The following ACOT8 variants were observed in gnomAD, a reference collection of about 807,000 sequenced individuals.
The protein encoded by ACOT8 is acyl-CoA thioesterase 8, also known as acyl-coenzyme A thioesterase 8.
Under a neutral mutation model 38.4 loss-of-function variants are expected in ACOT8, and 31 were observed. The observed-to-expected ratio is 0.81, with a 90% CI of 0.61 to 1.09. The LOEUF (loss-of-function observed/expected upper bound fraction) is 1.09, where lower values mean the gene tolerates loss of function less well. ACOT8 is among the 50% of genes least tolerant of loss of function. ACOT8 has a pLI of 0.00. For missense variants in ACOT8, 373 were observed against 421.8 expected (o/e 0.88, Z 1.01); for synonymous variants, 158 against 170.3 (o/e 0.93, Z 0.56).
chr20:45,843,932 C>T, intron 4 of ACOT8: 2 of 1,032,270 alleles, frequency 1.9e-6, no homozygotes, highest in East Asian at 5.2e-5. Context: ...TCAGTCTTCA[C>T]CACCCAAGTC....
At chr20:45,842,328 T>A in intron 5 of ACOT8, 1 of 1,393,492 alleles carries the variant, frequency 7.2e-7, no homozygotes. Flanking sequence ...CCTCGCTTCC[T>A]CAAAAAGATC....
rs1984231726 is a variant in ACOT8 at position 45,842,151 on chromosome 20, C to A, written c.842-195G>T. On this transcript the variant is annotated intron_variant, in intron 5 of 5. Transcript: ENST00000217455. The stretch of plus-strand genomic sequence containing the variant: ...TCACCATGCCCAACCTCCAAGTGGA[C>A]TTCTTGCAAAGGGTCTGGCCCAGGG... 4 of 1,525,556 alleles carry A rather than the reference C, an allele frequency of 2.6e-6. No homozygotes were observed. The South Asian group carries it at 3.6e-5, about 14-fold the overall frequency. The allele number at this position is 1,525,556 out of a possible 1,614,324, so 94.5% of individuals were successfully genotyped here. A position where few individuals can be genotyped will look rare whatever the true frequency, so the allele number is the denominator to read the frequency against.
intron 3 of ACOT8, among the ~76,000 whole-genome samples, 163 bp from the exon 4 acceptor site, chr20:45,844,583 T>G (rs1476644612): frequency 4.6e-5 from 7 of 152,198 alleles, no homozygotes; most frequent in Non-Finnish European, 4.4e-5. Context: ...GAATCCCTTC[T>G]TGGCCACTTA....
At chr20:45,853,060 C>T (rs1347309646) in intron 2 of ACOT8, among the ~76,000 whole-genome samples, 2 of 152,238 alleles carry the variant, frequency 1.3e-5, no homozygotes, top group Non-Finnish European at 2.9e-5. Context: ...TGAGCCACCA[C>T]GCCCGGCCAA....
In ACOT8 at chr20:45,842,823, T is replaced by G. The variant is rs986493670; in HGVS notation, c.841+704A>C. On this transcript the variant is annotated intron_variant, in intron 5 of 5. Transcript: ENST00000217455. ...TCTTGGATTGTGATGCTATTGGTAC[T>G]TGAGAATACCCCTTATCTGAGTATA... 3.0e-6 allele frequency: 3 copies of G among 992,176 alleles called. No homozygotes were observed. In the African/African-American group the frequency reaches 5.2e-5, roughly 17 times the overall value. The allele number at this position is 992,176 out of a possible 1,614,324, so 61.5% of individuals were successfully genotyped here.
chr20:45,853,065 G>A (rs1045404617), intron 2 of ACOT8, among the ~76,000 whole-genome samples: 14 of 152,182 alleles, frequency 9.2e-5, no homozygotes, highest in African/African-American at 3.4e-4. Flanking sequence ...CACCACGCCC[G>A]GCCAAATAAT....
Position 45,857,228 on chromosome 20 carries a change from T to A in ACOT8, c.88A>T (p.Thr30Ser), listed in dbSNP as rs143465735. ...TCCAGCGGCTCGAGGTTGAGCACGG[T>A]CGTGACCAAGACGCTACGGAGGTCC... Reference protein sequence around the residue: ...PGDLRSVLVTTVLNLEPLDED... With the variant: ...PGDLRSVLVTSVLNLEPLDED... The change falls in exon 1 of 6, where the codon ACC becomes TCC. Residue 30 changes from threonine to serine, a missense_variant. By Grantham distance (58) the Thr-to-Ser change is moderately conservative (BLOSUM62 1). Transcript: ENST00000217455. The A allele has an allele frequency of 6.5e-4, 1,049 of 1,613,646 alleles. No homozygotes were observed. The highest frequency in any genetic ancestry group is 8.4e-4 in the Non-Finnish European group (986 of 1,179,974).
Position 45,841,964 on chromosome 20 carries a change from T to C in ACOT8, c.842-8A>G, listed in dbSNP as rs1305400533. On this transcript the variant is annotated splice_region_variant and splice_polypyrimidine_tract_variant and intron_variant, in intron 5 of 5. Transcript: ENST00000217455. Reference sequence around the variant, plus strand: ...CCAGCCCCCGAGAGCCACCTGTGGGTGAGGTGAAGGGTGATGATGGCCTGC... The same window carrying C: ...CCAGCCCCCGAGAGCCACCTGTGGGCGAGGTGAAGGGTGATGATGGCCTGC... 1 of 1,611,992 alleles carries C rather than the reference T, an allele frequency of 6.2e-7. No homozygotes were observed. Among genetic ancestry groups the C allele is most frequent in the Non-Finnish European group, 8.5e-7 (1 of 1,179,758 alleles).
intron 2 of ACOT8, among the ~76,000 whole-genome samples, chr20:45,851,204 G>A (rs1486780724): frequency 6.6e-6 from 1 of 152,136 alleles, no homozygotes; most frequent in Non-Finnish European, 1.5e-5. Flanking sequence ...TCTGTTATCA[G>A]GCACTGCCAC....
chr20:45,853,822 C>G, intron 2 of ACOT8: 1 of 901,012 alleles, frequency 1.1e-6, no homozygotes, highest in South Asian at 1.4e-5. Flanking sequence ...GTAAGAGACA[C>G]GGGACAGTAT....
chr20:45,853,835 A>G, intron 2 of ACOT8: 2 of 1,042,110 alleles, frequency 1.9e-6, no homozygotes, highest in African/African-American at 1.7e-5. Context: ...GACAGTATGA[A>G]AAAGTGTATT....
chr20:45,842,321 C>G, intron 5 of ACOT8: 1 of 1,400,830 alleles, frequency 7.1e-7, no homozygotes, highest in South Asian at 1.6e-5. Flanking sequence ...CACCTCTCCT[C>G]GCTTCCTCAA....
intron 2 of ACOT8, chr20:45,853,816 G>A: frequency 1.2e-6 from 1 of 834,658 alleles, no homozygotes; most frequent in South Asian, 1.4e-5. Flanking sequence ...TGAGGAGTAA[G>A]AGACACGGGA....
At chr20:45,844,977 G>T (rs2145761374) in intron 3 of ACOT8, among the ~76,000 whole-genome samples, 1 of 152,254 alleles carries the variant, frequency 6.6e-6, no homozygotes, top group East Asian at 1.9e-4. Flanking sequence ...GGAGTACAGT[G>T]GCGCAATCAG....
chr20:45,854,030 T>G, intron 2 of ACOT8: 1 of 1,244,940 alleles, frequency 8.0e-7, no homozygotes, highest in Non-Finnish European at 1.1e-6. Flanking sequence ...GTTTTTTTTG[T>G]TTGTTTTTTA....
At position 45,843,670 on chromosome 20, in the gene ACOT8, T is replaced by C. The variant is rs200396914; in HGVS notation, c.698A>G (p.Tyr233Cys). The C allele has an allele frequency of 1.4e-5, 23 of 1,612,396 alleles. No homozygotes were observed. In the African/African-American group the frequency reaches 1.7e-4, roughly 12 times the overall value. The change falls in exon 5 of 6, where the codon TAT becomes TGT. Residue 233 changes from tyrosine to cysteine, a missense_variant. Transcript: ENST00000217455. ...CAGCAGTGCAGTGCCCAAGAAGGCA[T>C]AGTCGGAGATATAGGCGGCCACGCA... Reference protein sequence around the residue: ...HCCVAAYISDYAFLGTALLPH... With the variant: ...HCCVAAYISDCAFLGTALLPH...
chr20:45,853,801 A>G, intron 2 of ACOT8: 1 of 686,882 alleles, frequency 1.5e-6, no homozygotes, highest in Non-Finnish European at 2.2e-6. Flanking sequence ...AATACTCCTC[A>G]GGGATGAGGA....
intron 2 of ACOT8, among the ~76,000 whole-genome samples, chr20:45,849,645 T>C (rs1984941366): frequency 2.0e-5 from 3 of 151,972 alleles, no homozygotes; most frequent in Non-Finnish European, 4.4e-5. Context: ...GAGATGGGGT[T>C]TCACTGTGTT....
rs1399007332 is a variant in ACOT8 at position 45,842,962 on chromosome 20, T to C, written c.841+565A>G. 3.0e-6 allele frequency: 3 copies of C among 1,014,074 alleles called. No homozygotes were observed. The East Asian group carries it at 2.8e-4, about 95-fold the overall frequency. 62.8% of individuals were successfully genotyped at this position (1,014,074 alleles called of 1,614,324 possible). A position where few individuals can be genotyped will look rare whatever the true frequency, so the allele number is the denominator to read the frequency against. ...AAGCTAGACATTGATGAACGAGTCT[T>C]GTTTCTCTCCCCTGCAAGGAAGGTC... is the stretch of plus-strand genomic sequence containing the variant. On this transcript the variant is annotated intron_variant, in intron 5 of 5. Coordinates refer to ENST00000217455, the MANE Select transcript of ACOT8 (RefSeq NM_005469.4).
Sources: allele counts gnomAD v4.1 joint callset (sites outside exome capture counted in the v4.1 genomes callset), GRCh38; gene constraint gnomAD v4.1.1; transcripts MANE v1.5; gene names NCBI Gene and HGNC (gene_info 2026-07-23, HGNC 2026-07-21).